ADAMTSL1: variants seen among roughly 807,000 people sequenced by gnomAD.
ADAMTSL1 encodes ADAMTS like 1.
Under a neutral mutation model 201.8 loss-of-function variants are expected in ADAMTSL1, and 126 were observed. That is an observed-to-expected ratio of 0.62 (90% CI 0.54 to 0.72). The LOEUF (loss-of-function observed/expected upper bound fraction) is 0.72. Ranked by LOEUF, ADAMTSL1 falls within the 30% of genes least tolerant of loss-of-function variation. The pLI, the probability that ADAMTSL1 is intolerant of heterozygous loss-of-function variation, is 0.00. For missense variants in ADAMTSL1, 2,679 were observed against 2,277.8 expected, an observed-to-expected ratio of 1.18 and a Z score of -3.59; for synonymous variants, 1,121 against 903.4, an observed-to-expected ratio of 1.24 and a Z score of -4.32.
intron 9 of ADAMTSL1, among the ~76,000 whole-genome samples, chr9:18,666,643 A>G (rs963485163): frequency 2.8e-4 from 42 of 152,162 alleles, no homozygotes; most frequent in Admixed American, 6.6e-5. Flanking sequence ...TCTTACGCCA[A>G]TGGAAATATT....
At chr9:18,291,006 C>G (rs530832407) in intron 2 of ADAMTSL1, among the ~76,000 whole-genome samples, 8 of 152,194 alleles carry the variant, frequency 5.3e-5, no homozygotes, top group Admixed American at 4.6e-4. Flanking sequence ...TGGTCTCTGT[C>G]TCCTGACCTT....
intron 23 of ADAMTSL1, among the ~76,000 whole-genome samples, chr9:18,830,840 T>C (rs1282543735): frequency 6.6e-6 from 1 of 152,160 alleles, no homozygotes; most frequent in African/African-American, 2.4e-5. Context: ...CTCTTTAAAA[T>C]AAAACAAAAA....
At chr9:18,305,000 A>G (rs1361042009) in intron 2 of ADAMTSL1, among the ~76,000 whole-genome samples, 2 of 152,128 alleles carry the variant, frequency 1.3e-5, no homozygotes, top group African/African-American at 4.8e-5. Context: ...TTTCCAGCTG[A>G]GGTACCAGGT....
At chr9:18,841,123 A>G (rs1393869333) in intron 23 of ADAMTSL1, among the ~76,000 whole-genome samples, 3 of 151,578 alleles carry the variant, frequency 2.0e-5, no homozygotes, top group African/African-American at 7.3e-5. Flanking sequence ...CCAGTTTTCA[A>G]AGGGAATGCT....
intron 1 of ADAMTSL1, among the ~76,000 whole-genome samples, chr9:18,149,568 C>T (rs970154753): frequency 1.3e-5 from 2 of 151,888 alleles, no homozygotes; most frequent in African/African-American, 4.8e-5. Flanking sequence ...CATCTCAGGC[C>T]CTAACCCAGA....
In ADAMTSL1 at chr9:18,032,916, T is replaced by G. The variant is rs141546161; in HGVS notation, c.87+125994T>G. 8.1e-3 allele frequency among the ~76,000 whole-genome samples: 1,230 copies of G among 152,264 alleles called. 12 individuals carry two copies. Among genetic ancestry groups the G allele is most frequent in the Non-Finnish European group, 9.8e-3 (669 of 68,022 alleles). On this transcript the variant is annotated intron_variant, in intron 1 of 29. Transcript: ENST00000680146. The stretch of plus-strand genomic sequence containing the variant: ...GTGGGGCTTCCCACTTCCTCCTTCT[T>G]CAGCTTCAGTGTCTGCATCACCTCT...
chr9:18,594,106 T>C (rs1362501324), intron 4 of ADAMTSL1, among the ~76,000 whole-genome samples: 5 of 152,138 alleles, frequency 3.3e-5, no homozygotes, highest in African/African-American at 1.2e-4. Flanking sequence ...TTAGTTCTCT[T>C]TCATTTCTGA....
chr9:18,486,319 C>A (rs1821991732), intron 1 of ADAMTSL1, among the ~76,000 whole-genome samples: 1 of 152,080 alleles, frequency 6.6e-6, no homozygotes, highest in Non-Finnish European at 1.5e-5. Flanking sequence ...GAATTCAGGC[C>A]CAAGTTTTCT....
At chr9:18,668,843 C>T (rs1829630780) in intron 9 of ADAMTSL1, among the ~76,000 whole-genome samples, 3 of 152,136 alleles carry the variant, frequency 2.0e-5, no homozygotes, top group Admixed American at 1.3e-4. Flanking sequence ...GTTTTACAGT[C>T]CCTAGGTTAG....
intron 2 of ADAMTSL1, among the ~76,000 whole-genome samples, chr9:18,190,112 C>G (rs1386647917): frequency 6.6e-6 from 1 of 152,114 alleles, no homozygotes; most frequent in Non-Finnish European, 1.5e-5. Flanking sequence ...TAATGTGATA[C>G]AATAGTCACA....
At chr9:18,388,364 C>G (rs767656721) in intron 2 of ADAMTSL1, among the ~76,000 whole-genome samples, 8 of 151,854 alleles carry the variant, frequency 5.3e-5, no homozygotes, top group Non-Finnish European at 1.0e-4. Context: ...GCCCTTACCT[C>G]CTCGGTTCAA....
chr9:17,962,622 G>A (rs567674510), intron 1 of ADAMTSL1, among the ~76,000 whole-genome samples: 1 of 152,288 alleles, frequency 6.6e-6, no homozygotes, highest in South Asian at 2.1e-4. Flanking sequence ...TGTGCTTCAA[G>A]TTCAGAACTA....
chr9:18,906,072 G>C (rs548919459), intron 27 of ADAMTSL1, among the ~76,000 whole-genome samples, 181 bp downstream of exon 27: 2 of 152,208 alleles, frequency 1.3e-5, no homozygotes, highest in Admixed American at 6.5e-5. Flanking sequence ...TGTCGGTCTT[G>C]TGCTTATCTA....
At chr9:18,512,327 A>G (rs932750887) in intron 2 of ADAMTSL1, among the ~76,000 whole-genome samples, 9 of 152,080 alleles carry the variant, frequency 5.9e-5, no homozygotes, top group African/African-American at 2.2e-4. Context: ...GGCCTGGTTT[A>G]TCCCATAAGC....
intron 5 of ADAMTSL1, among the ~76,000 whole-genome samples, chr9:18,634,336 G>T (rs771821250): frequency 1.3e-5 from 2 of 151,552 alleles, no homozygotes; most frequent in Non-Finnish European, 2.9e-5. Flanking sequence ...GGCCGAGGCA[G>T]GTGGATCTCT....
At chr9:17,980,931 G>T (rs796794864) in intron 1 of ADAMTSL1, among the ~76,000 whole-genome samples, 8 of 152,154 alleles carry the variant, frequency 5.3e-5, no homozygotes, top group African/African-American at 1.9e-4. Context: ...CAAACTGGGG[G>T]AGAGAGGAGG....
At chr9:18,470,013 T>C (rs1431737344), upstream of ADAMTSL1, among the ~76,000 whole-genome samples, 1 of 152,170 alleles carries the variant, frequency 6.6e-6, no homozygotes, top group African/African-American at 2.4e-5. Context: ...ATAATAAATA[T>C]AAAATACTTA....
Position 17,973,535 on chromosome 9 carries a change from G to T in ADAMTSL1, c.87+66613G>T, listed in dbSNP as rs185581218. 9.7e-3 allele frequency among the ~76,000 whole-genome samples: 903 copies of T among 92,814 alleles called. 23 individuals carry two copies. The highest frequency in any genetic ancestry group is 0.015 in the Non-Finnish European group (584 of 38,172). The allele number at this position is 92,814 out of a possible 152,430, so 60.9% of individuals were successfully genotyped here. A position where few individuals can be genotyped will look rare whatever the true frequency, so the allele number is the denominator to read the frequency against. Reference sequence around the variant, plus strand: ...TTCCATTGATCTATATCTCTGTTTTGGTACCAGTACCATGCTGTTTTGGTT... The same window carrying T: ...TTCCATTGATCTATATCTCTGTTTTTGTACCAGTACCATGCTGTTTTGGTT... On this transcript the variant is annotated intron_variant, in intron 1 of 29. Transcript: ENST00000680146.
intron 2 of ADAMTSL1, among the ~76,000 whole-genome samples, chr9:18,338,585 T>G (rs1180426510): frequency 8.5e-5 from 13 of 152,150 alleles, no homozygotes; most frequent in Non-Finnish European, 2.9e-5. Flanking sequence ...TAGCTGGAAC[T>G]ACAGGGGTAT....
Sources: gnomAD v4.1 joint callset for allele counts (sites outside exome capture counted in the v4.1 genomes callset) on GRCh38, gnomAD v4.1.1 for gene constraint, MANE v1.5 for transcripts, NCBI Gene and HGNC (gene_info 2026-07-23, HGNC 2026-07-21) for gene names.